The following SCAF11 variants were observed in gnomAD, a reference collection of about 807,000 sequenced individuals.
The protein encoded by SCAF11 is protein SCAF11.
In SCAF11, 47 loss-of-function variants were observed where a neutral mutation model predicts 140.5. The observed-to-expected ratio is 0.33, with a 90% CI of 0.26 to 0.43. The LOEUF is 0.43. Among genes scored for constraint, SCAF11 ranks in the 20% least tolerant of loss-of-function variants. SCAF11 has a pLI of 1.00. For missense variants in SCAF11, 1,645 were observed against 1,705.1 expected (o/e 0.96, Z 0.62); for synonymous variants, 557 against 579.4 (o/e 0.96, Z 0.55).
At chr12:45,941,983 C>T (rs1487115793) in intron 6 of SCAF11, among the ~76,000 whole-genome samples, 1 of 152,164 alleles carries the variant, frequency 6.6e-6, no homozygotes, top group African/African-American at 2.4e-5. Context: ...AGGACAAAGA[C>T]CTTTATGATG....
intron 8 of SCAF11, among the ~76,000 whole-genome samples, 163 bp downstream of exon 8, chr12:45,934,013 T>C (rs571359876): frequency 1.6e-4 from 25 of 152,262 alleles, no homozygotes; most frequent in African/African-American, 5.3e-4. Flanking sequence ...TTCTCTTTGC[T>C]AGAGCTAGTT....
intron 6 of SCAF11, among the ~76,000 whole-genome samples, chr12:45,939,759 G>C (rs1017527437): frequency 6.6e-6 from 1 of 152,182 alleles, no homozygotes; most frequent in Non-Finnish European, 1.5e-5. Flanking sequence ...AAGCTAAGTA[G>C]AGTTGCTTCT....
At chr12:45,977,644 T>G (rs560305361) in intron 1 of SCAF11, among the ~76,000 whole-genome samples, 12 of 152,284 alleles carry the variant, frequency 7.9e-5, no homozygotes, top group African/African-American at 2.9e-4. Flanking sequence ...AAATATAAAT[T>G]GTTAACATTT....
chr12:45,969,937 G>A (rs1013246761), intron 1 of SCAF11, among the ~76,000 whole-genome samples: 9 of 151,926 alleles, frequency 5.9e-5, no homozygotes, highest in Non-Finnish European at 1.0e-4. Flanking sequence ...TCGCTCTGTC[G>A]CCCAGGCTGG....
At chr12:45,952,539 T>C (rs1209307351) in intron 3 of SCAF11, among the ~76,000 whole-genome samples, 1 of 152,200 alleles carries the variant, frequency 6.6e-6, no homozygotes, top group Non-Finnish European at 1.5e-5. Flanking sequence ...ATAGGTGCTC[T>C]TTATTTATTA....
At chr12:45,990,301 C>G in intron 1 of SCAF11, 52 bp downstream of exon 1, 1 of 1,231,584 alleles carries the variant, frequency 8.1e-7, no homozygotes, top group Non-Finnish European at 1.0e-6. Context: ...ACCCTCGTCT[C>G]TCCCAGACAG....
chr12:45,926,233 T>G lies in SCAF11; in HGVS notation c.3468A>C (p.Ala1156=), dbSNP rs1335586996. 5.0e-6 allele frequency: 8 copies of G among 1,614,216 alleles called. No individual in the cohort carries two copies. The highest frequency in any genetic ancestry group is 5.9e-6 in the Non-Finnish European group (7 of 1,180,016). Reference sequence around the variant, plus strand: ...GTCGTGAGTAGTAGTTTTGTACATCTGCTGGCAAAGTCTTTCTCACGGCCC... The same window carrying G: ...GTCGTGAGTAGTAGTTTTGTACATCGGCTGGCAAAGTCTTTCTCACGGCCC... The part of the protein sequence containing the change: ...SSWAVRKTLP[A]DVQNYYSRRG... The change falls in exon 11 of 15, where the codon GCA becomes GCC. Residue 1156 remains alanine, a synonymous_variant. Transcript: ENST00000369367.
chr12:45,957,459 T>C (rs555913609), intron 3 of SCAF11, among the ~76,000 whole-genome samples: 1 of 152,264 alleles, frequency 6.6e-6, no homozygotes, highest in South Asian at 2.1e-4. Flanking sequence ...TTGAACACTA[T>C]TGTTTGACTT....
At chr12:45,926,081 CATATT>C in intron 11 of SCAF11, 56 bp downstream of exon 11, 2 of 1,472,338 alleles carry the variant, frequency 1.4e-6, no homozygotes, top group Middle Eastern at 1.8e-4. Context: ...ATACAAATAA[CATATT>C]AAATTTATAA....
Position 45,943,138 on chromosome 12 carries a change from G to C in SCAF11, c.463+2111C>G, listed in dbSNP as rs1226929049. Among the ~76,000 whole-genome samples, 10 of 152,272 alleles carry C rather than the reference G, an allele frequency of 6.6e-5. No individual in the cohort carries two copies. In the East Asian group the frequency reaches 1.9e-3, roughly 29 times the overall value. The stretch of plus-strand genomic sequence containing the variant: ...CAATATAGGAAGAAAAACTGACCAT[G>C]TTAGACTTATCAAATTTCCCTAGTA... On this transcript the variant is annotated intron_variant, in intron 6 of 14. Transcript: ENST00000369367.
intron 1 of SCAF11, among the ~76,000 whole-genome samples, chr12:45,980,236 A>T (rs570634307): frequency 6.6e-6 from 1 of 152,334 alleles, no homozygotes; most frequent in East Asian, 1.9e-4. Context: ...TATTCAAACA[A>T]CAAGAAGTGG....
In SCAF11 at chr12:45,924,788, AG is replaced by A. The variant is rs764655538; in HGVS notation, c.3845del (p.Pro1282LeufsTer29). The A allele has an allele frequency of 3.7e-6, 2 of 543,422 alleles. No homozygotes were observed. Among genetic ancestry groups the A allele is most frequent in the East Asian group, 5.0e-5 (1 of 19,996 alleles). The allele number at this position is 543,422 out of a possible 1,614,324, so 33.7% of individuals were successfully genotyped here. A position where few individuals can be genotyped will look rare whatever the true frequency, so the allele number is the denominator to read the frequency against. ...VSQGLPPPPP[P>X]PPPSQQVNYI... ...AGTTGACTTGTTGGGATGGTGGGGG[AG>A]GGGGTGGTGGTGGTGGTAGTCCCTG... On this transcript the variant is annotated frameshift_variant, in exon 12 of 15. Coordinates refer to ENST00000369367, the MANE Select transcript of SCAF11 (RefSeq NM_004719.3). LOFTEE classifies it high-confidence loss of function.
chr12:45,942,505 T>C (rs972892015), intron 6 of SCAF11, among the ~76,000 whole-genome samples: 5 of 152,222 alleles, frequency 3.3e-5, no homozygotes, highest in African/African-American at 7.2e-5. Flanking sequence ...CTAGCTCACA[T>C]TGGCCCTAAA....
At chr12:45,991,474 A>ACC (rs1180844533), upstream of SCAF11, among the ~76,000 whole-genome samples, 2 of 152,164 alleles carry the variant, frequency 1.3e-5, no homozygotes, top group African/African-American at 4.8e-5. Context: ...AGGTGGGAGA[A>ACC]TCGCTTGAAC....
At chr12:45,943,792 C>CTTAA (rs1333515376) in intron 6 of SCAF11, among the ~76,000 whole-genome samples, 1 of 152,178 alleles carries the variant, frequency 6.6e-6, no homozygotes, top group Non-Finnish European at 1.5e-5. Flanking sequence ...CTTCAGGCAT[C>CTTAA]TTAAGTAGAT....
Position 45,926,698 on chromosome 12 carries a change from A to G in SCAF11, c.3003T>C (p.Asn1001=), listed in dbSNP as rs1296305666. The G allele has an allele frequency of 9.3e-6, 15 of 1,612,984 alleles. No homozygotes were observed. The highest frequency in any genetic ancestry group is 1.1e-5 in the Non-Finnish European group (13 of 1,179,844). The part of the protein sequence containing the change: ...KQNENTRKEK[N]DIHLDADDPN... Reference sequence around the variant, plus strand: ...GATCATCAGCATCTAGATGGATGTCATTTTTTTCTTTTCTTGTATTTTCAT... The same window carrying G: ...GATCATCAGCATCTAGATGGATGTCGTTTTTTTCTTTTCTTGTATTTTCAT... Residue 1001 remains asparagine, a synonymous_variant, in exon 11 of 15, where the codon AAT becomes AAC. Coordinates refer to ENST00000369367, the MANE Select transcript of SCAF11 (RefSeq NM_004719.3).
intron 6 of SCAF11, among the ~76,000 whole-genome samples, chr12:45,936,127 C>T (rs567889768): frequency 7.9e-5 from 12 of 151,738 alleles, no homozygotes; most frequent in Non-Finnish European, 1.5e-4. Flanking sequence ...CCTTATACTA[C>T]TCTATGTGTG....
rs1257533801 is a variant in SCAF11 at position 45,933,883 on chromosome 12, A to C, written c.632+293T>G. Reference sequence around the variant, plus strand: ...CTTTAGGTAACATCCCCACAAGCTAATAAATAAGCTACTTCTCAATCATAT... The same window carrying C: ...CTTTAGGTAACATCCCCACAAGCTACTAAATAAGCTACTTCTCAATCATAT... On this transcript the variant is annotated intron_variant, in intron 8 of 14. Transcript: ENST00000369367. Among the ~76,000 whole-genome samples the C allele has an allele frequency of 3.9e-5, 6 of 152,218 alleles. No homozygotes were observed. In the East Asian group the frequency reaches 1.2e-3, roughly 29 times the overall value.
intron 5 of SCAF11, among the ~76,000 whole-genome samples, chr12:45,947,231 G>C (rs530537675): frequency 3.3e-5 from 5 of 152,214 alleles, no homozygotes; most frequent in Non-Finnish European, 5.9e-5. Context: ...ATGAGCTTAA[G>C]TTTCAAATGT....
Sources: allele counts gnomAD v4.1 joint callset (sites outside exome capture counted in the v4.1 genomes callset), GRCh38; gene constraint gnomAD v4.1.1; transcripts MANE v1.5; gene names NCBI Gene and HGNC (gene_info 2026-07-23, HGNC 2026-07-21).